Variants in LDB2 observed in about 807,000 individuals in gnomAD.
LDB2 encodes the protein LIM domain-binding protein 2.
Under a neutral mutation model 44.3 loss-of-function variants are expected in LDB2, and 12 were observed. The ratio of observed to expected loss-of-function variants is 0.27; its 90% CI spans 0.17 to 0.44. LDB2 has a LOEUF of 0.44. Among genes scored for constraint, LDB2 ranks in the 20% least tolerant of loss-of-function variants. The pLI is 1.00. For missense variants in LDB2, 344 were observed against 473.5 expected (o/e 0.73, Z 2.54); for synonymous variants, 164 against 174.8 (o/e 0.94, Z 0.49).
chr4:16,731,785 G>A (rs896957623), intron 2 of LDB2, among the ~76,000 whole-genome samples: 1 of 152,082 alleles, frequency 6.6e-6, no homozygotes, highest in Non-Finnish European at 1.5e-5. Context: ...CACATCCCTT[G>A]GTCTGGCCAA....
At chr4:16,892,494 G>C (rs1032024509) in intron 1 of LDB2, among the ~76,000 whole-genome samples, 7 of 152,174 alleles carry the variant, frequency 4.6e-5, no homozygotes, top group Non-Finnish European at 8.8e-5. Context: ...GGTATTTGTA[G>C]TATCTACATC....
intron 1 of LDB2, among the ~76,000 whole-genome samples, chr4:16,860,644 C>T (rs926389091): frequency 3.3e-5 from 5 of 152,212 alleles, no homozygotes; most frequent in African/African-American, 4.8e-5. Context: ...GGTGGTTTCT[C>T]ACAGCCAAAT....
chr4:16,723,430 C>T (rs1758750911), intron 2 of LDB2, among the ~76,000 whole-genome samples: 1 of 152,148 alleles, frequency 6.6e-6, no homozygotes, highest in African/African-American at 2.4e-5. Context: ...CTCATGATAA[C>T]AGCATTAATC....
chr4:16,642,019 T>C (rs1315253057), intron 2 of LDB2, among the ~76,000 whole-genome samples: 1 of 152,170 alleles, frequency 6.6e-6, no homozygotes, highest in African/African-American at 2.4e-5. Context: ...AATTATTGCC[T>C]GTCAACTAAA....
chr4:16,612,073 C>A (rs915067015), intron 2 of LDB2, among the ~76,000 whole-genome samples: 2 of 152,176 alleles, frequency 1.3e-5, no homozygotes, highest in Non-Finnish European at 2.9e-5. Flanking sequence ...GTAAAAACCA[C>A]ACAATTTCAT....
chr4:16,526,113 T>A (rs1481709057), intron 5 of LDB2, among the ~76,000 whole-genome samples: 1 of 152,192 alleles, frequency 6.6e-6, no homozygotes. Context: ...CGAGAGGTTG[T>A]TTCCAGAGGA....
At chr4:16,825,785 G>C (rs553899805) in intron 1 of LDB2, among the ~76,000 whole-genome samples, 1 of 152,042 alleles carries the variant, frequency 6.6e-6, no homozygotes, top group African/African-American at 2.4e-5. Context: ...ACTGAACATA[G>C]GAATTAAATG....
intron 5 of LDB2, among the ~76,000 whole-genome samples, chr4:16,553,206 G>A (rs1469952622): frequency 1.3e-5 from 2 of 152,184 alleles, no homozygotes; most frequent in Non-Finnish European, 2.9e-5. Context: ...CTAGGCTGGA[G>A]TGCAGTAGCA....
chr4:16,886,902 G>A (rs899730867), intron 1 of LDB2, among the ~76,000 whole-genome samples: 11 of 151,584 alleles, frequency 7.3e-5, no homozygotes, highest in African/African-American at 2.2e-4. Flanking sequence ...GTGTGGTGGC[G>A]GGCACCTGTA....
chr4:16,688,822 A>C (rs1749893382), intron 2 of LDB2, among the ~76,000 whole-genome samples: 7 of 152,376 alleles, frequency 4.6e-5, no homozygotes, highest in Admixed American at 3.3e-4. Context: ...TGCTCCTAGC[A>C]GTCCTTCATC....
intron 1 of LDB2, among the ~76,000 whole-genome samples, chr4:16,789,975 T>G (rs1193411753): frequency 6.6e-6 from 1 of 152,080 alleles, no homozygotes; most frequent in Non-Finnish European, 1.5e-5. Context: ...ATGGGTGTGG[T>G]TATCCCCATT....
intron 2 of LDB2, among the ~76,000 whole-genome samples, chr4:16,709,304 G>C (rs1468911648): frequency 1.3e-5 from 2 of 152,292 alleles, no homozygotes; most frequent in East Asian, 1.9e-4. Flanking sequence ...AATATGCAGA[G>C]AGAGGTTCAA....
At chr4:16,672,822 G>GCCTTCTTTCCTT (rs1462326672) in intron 2 of LDB2, among the ~76,000 whole-genome samples, 1 of 68,552 alleles carries the variant, frequency 1.5e-5, no homozygotes. Flanking sequence ...GTGCCTGCCT[G>GCCTTCTTTCCTT]CCTGCCTTCT....
intron 2 of LDB2, among the ~76,000 whole-genome samples, chr4:16,672,803 A>G (rs1745162536): frequency 6.8e-6 from 1 of 147,542 alleles, no homozygotes. Context: ...GAAGAGAAGA[A>G]CTGCTTGCGT....
At chr4:16,729,703 A>T (rs975897970) in intron 2 of LDB2, among the ~76,000 whole-genome samples, 6 of 152,126 alleles carry the variant, frequency 3.9e-5, no homozygotes, top group Non-Finnish European at 7.3e-5. Flanking sequence ...GAAAAAATAC[A>T]CCGACACATG....
intron 1 of LDB2, among the ~76,000 whole-genome samples, chr4:16,781,414 T>A (rs539879377): frequency 5.3e-5 from 8 of 152,098 alleles, no homozygotes; most frequent in African/African-American, 1.9e-4. Context: ...GAAAATAAAG[T>A]CAGAGCAGAT....
chr4:16,545,588 G>C (rs779042019), intron 5 of LDB2, among the ~76,000 whole-genome samples: 14 of 152,054 alleles, frequency 9.2e-5, no homozygotes, highest in Non-Finnish European at 1.3e-4. Flanking sequence ...CCCAAAGAAG[G>C]GTTATTCTGT....
intron 2 of LDB2, among the ~76,000 whole-genome samples, chr4:16,690,315 TA>T (rs1750323046): frequency 6.6e-6 from 1 of 151,354 alleles, no homozygotes; most frequent in Admixed American, 6.6e-5. Context: ...ACAAAAAAAT[TA>T]GCTGGGAATG....
At chr4:16,646,714 T>C (rs1004065382) in intron 2 of LDB2, among the ~76,000 whole-genome samples, 1 of 152,202 alleles carries the variant, frequency 6.6e-6, no homozygotes, top group Non-Finnish European at 1.5e-5. Context: ...TTGGTGCTTT[T>C]TATGCAGTAT....
Sources: allele counts gnomAD v4.1 joint callset (sites outside exome capture counted in the v4.1 genomes callset), GRCh38; gene constraint gnomAD v4.1.1; transcripts MANE v1.5; gene names NCBI Gene and HGNC (gene_info 2026-07-23, HGNC 2026-07-21).